GNPTAB: variants seen among roughly 807,000 people sequenced by gnomAD.
GNPTAB encodes N-acetylglucosamine-1-phosphate transferase subunits alpha and beta, also known as N-acetylglucosamine-1-phosphotransferase subunits alpha/beta.
In GNPTAB, 92 loss-of-function variants were observed where a neutral mutation model predicts 136.6. That is an observed-to-expected ratio of 0.67 (90% CI 0.57 to 0.80). GNPTAB has a LOEUF of 0.80. Among genes scored for constraint, GNPTAB ranks in the 30% least tolerant of loss-of-function variants. The pLI, the probability that GNPTAB is intolerant of heterozygous loss-of-function variation, is 0.00. For synonymous variants in GNPTAB, 512 were observed against 535.1 expected (o/e 0.96, Z 0.60); for missense variants, 1,343 against 1,501.8 (o/e 0.89, Z 1.75).
intron 2 of GNPTAB, chr12:101,796,416 A>G (rs370491380): frequency 1.6e-6 from 1 of 644,484 alleles, no homozygotes. Context: ...TTAAAAAAAT[A>G]TCTTACGGAA....
chr12:101,810,693 A>G (rs1163946519), intron 1 of GNPTAB: 1 of 151,854 alleles, frequency 6.6e-6, no homozygotes, highest in African/African-American at 2.4e-5. Flanking sequence ...GAAATCATAT[A>G]TATCAACATA....
chr12:101,784,778 G>A (rs58474338), intron 5 of GNPTAB, among the ~76,000 whole-genome samples: 1 of 152,224 alleles, frequency 6.6e-6, no homozygotes, highest in East Asian at 1.9e-4. Context: ...AAGCTGGGAG[G>A]TATGACACTG....
intron 13 of GNPTAB, among the ~76,000 whole-genome samples, chr12:101,762,574 C>G (rs1953015813): frequency 6.6e-6 from 1 of 152,082 alleles, no homozygotes; most frequent in South Asian, 2.1e-4. Flanking sequence ...AATAACTAAC[C>G]TGCAGCCATT....
intron 5 of GNPTAB, 111 bp from the exon 6 acceptor site, chr12:101,780,732 G>A: frequency 1.3e-6 from 1 of 788,234 alleles, no homozygotes; most frequent in South Asian, 1.5e-5. Flanking sequence ...CATAATATAT[G>A]GTCCAAAAAA....
chr12:101,770,438 C>T lies in GNPTAB; in HGVS notation c.1081G>A (p.Asp361Asn). ...GTTACTATTGTCACTCGAGGATTGTCAAGGTTCAGCCAGGATGGAATCTGC... is the reference window on the plus strand; with the variant it reads ...GTTACTATTGTCACTCGAGGATTGTTAAGGTTCAGCCAGGATGGAATCTGC... ...NGQIPSWLNL[D>N]NPRVTIVTHQ... Residue 361 changes from aspartate (D) to asparagine (N), a missense_variant, in exon 9 of 21, where the codon GAC becomes AAC. By Grantham distance (23) the Asp-to-Asn change is conservative. Transcript: ENST00000299314. The T allele has an allele frequency of 6.2e-7, 1 of 1,613,888 alleles. No homozygotes were observed. The highest frequency in any genetic ancestry group is 8.5e-7 in the Non-Finnish European group (1 of 1,179,792).
chr12:101,766,855 A>G (rs1353166312), intron 11 of GNPTAB, among the ~76,000 whole-genome samples: 1 of 152,222 alleles, frequency 6.6e-6, no homozygotes, highest in Non-Finnish European at 1.5e-5. Flanking sequence ...CAGGGCTTAC[A>G]TTTGCTCAAG....
Position 101,780,609 on chromosome 12 carries a change from T to C in GNPTAB, c.584A>G (p.His195Arg). Residue 195 changes from histidine (H) to arginine (R), a missense_variant, in exon 6 of 21, where the codon CAC becomes CGC. By Grantham distance (29) the His-to-Arg change is conservative. Transcript: ENST00000299314. ...GCTATTTCCTTTAAGCAGTCCAGAG[T>C]GGGCATCTTCAACTACAACCAAGAA... ...FDSTKDVEDA[H>R]SGLLKGNSRQ... 6.2e-7 allele frequency: 1 copy of C among 1,609,230 alleles called. No homozygotes were observed. The highest frequency in any genetic ancestry group is 8.5e-7 in the Non-Finnish European group (1 of 1,175,804).
Position 101,830,781 on chromosome 12 carries a change from C to T in GNPTAB, c.-106G>A. 1.8e-6 allele frequency: 1 copy of T among 544,256 alleles called. No homozygotes were observed. The highest frequency in any genetic ancestry group is 3.2e-6 in the Non-Finnish European group (1 of 312,312). The allele number at this position is 544,256 out of a possible 1,614,324, so 33.7% of individuals were successfully genotyped here. On this transcript the variant is annotated 5_prime_UTR_variant, in exon 1 of 21. Coordinates refer to ENST00000299314, the MANE Select transcript of GNPTAB (RefSeq NM_024312.5). Reference sequence around the variant, plus strand: ...GGGGCCCCGGTCGGGCCGCCGCGCGCAGGTCACAGCCTCCGGGCGCCGCTC... The same window carrying T: ...GGGGCCCCGGTCGGGCCGCCGCGCGTAGGTCACAGCCTCCGGGCGCCGCTC...
chr12:101,795,910 G>A (rs1371113895), intron 2 of GNPTAB: 1 of 252,054 alleles, frequency 4.0e-6, no homozygotes, highest in Non-Finnish European at 7.4e-6. Context: ...AGGGAAGGAG[G>A]GTGTTGAAAA....
intron 7 of GNPTAB, among the ~76,000 whole-genome samples, chr12:101,778,129 TTGC>T (rs1953285828): frequency 6.6e-6 from 1 of 152,110 alleles, no homozygotes; most frequent in African/African-American, 2.4e-5. Flanking sequence ...CAAAAATAGT[TTGC>T]TGAATTGTCA....
intron 1 of GNPTAB, among the ~76,000 whole-genome samples, chr12:101,811,704 T>A (rs1171253006): frequency 2.0e-5 from 3 of 150,074 alleles, no homozygotes; most frequent in Admixed American, 6.7e-5. Flanking sequence ...AGTGGTGAGA[T>A]CTCAGCTCAC....
intron 13 of GNPTAB, among the ~76,000 whole-genome samples, chr12:101,762,323 T>G (rs964941933): frequency 2.6e-5 from 4 of 152,308 alleles, no homozygotes; most frequent in African/African-American, 9.6e-5. Context: ...CTTCTCAAAC[T>G]GATAAAAATA....
chr12:101,762,903 TAAAAAA>T (rs35645073), intron 13 of GNPTAB, among the ~76,000 whole-genome samples: 3 of 125,192 alleles, frequency 2.4e-5, no homozygotes, highest in African/African-American at 6.0e-5. Context: ...TTTGTAAATT[TAAAAAA>T]AAAAAAAAAA....
intron 1 of GNPTAB, among the ~76,000 whole-genome samples, chr12:101,797,578 C>T (rs973777239): frequency 1.3e-5 from 2 of 152,042 alleles, no homozygotes; most frequent in Admixed American, 1.3e-4. Flanking sequence ...GAGCCAAGAT[C>T]GCGCCACTGC....
chr12:101,796,635 G>C, intron 2 of GNPTAB, 42 bp downstream of exon 2: 1 of 1,306,792 alleles, frequency 7.7e-7, no homozygotes, highest in Non-Finnish European at 1.1e-6. Context: ...CATGACTTAC[G>C]ATTTAGGTCC....
intron 20 of GNPTAB, 62 bp from the exon 21 acceptor site, chr12:101,747,303 A>C: frequency 2.1e-6 from 2 of 954,694 alleles, no homozygotes; most frequent in Admixed American, 3.6e-5. Context: ...ATATAAGTGC[A>C]TCAAACTTTC....
At chr12:101,787,739 C>A (rs915241771) in intron 4 of GNPTAB, among the ~76,000 whole-genome samples, 3 of 151,942 alleles carry the variant, frequency 2.0e-5, no homozygotes, top group Non-Finnish European at 4.4e-5. Flanking sequence ...CATGGAGAAA[C>A]CCCGTCTCTA....
At chr12:101,796,838 A>G in intron 1 of GNPTAB, 76 bp from the exon 2 acceptor site, 2 of 985,992 alleles carry the variant, frequency 2.0e-6, no homozygotes, top group Non-Finnish European at 3.2e-6. Flanking sequence ...TTTTAATTTC[A>G]TTAGAATTGC....
At chr12:101,762,611 TATAA>T (rs941765698) in intron 13 of GNPTAB, among the ~76,000 whole-genome samples, 19 of 152,090 alleles carry the variant, frequency 1.2e-4, no homozygotes, top group Middle Eastern at 6.8e-3. Flanking sequence ...CTGGCATGGG[TATAA>T]ATAAATAAAT....
Sources: gnomAD v4.1 joint callset for allele counts (sites outside exome capture counted in the v4.1 genomes callset) on GRCh38, gnomAD v4.1.1 for gene constraint, MANE v1.5 for transcripts, NCBI Gene and HGNC (gene_info 2026-07-23, HGNC 2026-07-21) for gene names.